XIRP2: variants seen among roughly 807,000 people sequenced by gnomAD.
XIRP2 encodes the protein xin actin-binding repeat-containing protein 2.
In XIRP2, 236 loss-of-function variants were observed where a neutral mutation model predicts 277.0. That is an observed-to-expected ratio of 0.85 (90% CI 0.77 to 0.95). The LOEUF (loss-of-function observed/expected upper bound fraction) is 0.95, where lower values mean the gene tolerates loss of function less well. XIRP2 is among the 40% of genes least tolerant of loss of function. The pLI, the probability that XIRP2 is intolerant of heterozygous loss-of-function variation, is 0.00. For missense variants in XIRP2, 4,640 were observed against 4,157.5 expected (o/e 1.12, Z -3.19); for synonymous variants, 1,490 against 1,416.5 (o/e 1.05, Z -1.17).
intron 2 of XIRP2, among the ~76,000 whole-genome samples, chr2:166,913,917 G>A (rs1684787903): frequency 1.3e-5 from 2 of 152,176 alleles, no homozygotes; most frequent in African/African-American, 4.8e-5. Flanking sequence ...ATTCAAGTAA[G>A]TGACTACTCT....
rs1695392683 is a variant in XIRP2 at position 167,249,342 on chromosome 2, A to C, written c.7950A>C (p.Glu2650Asp). The C allele has an allele frequency of 6.2e-7, 1 of 1,613,798 alleles. No individual in the cohort carries two copies. The highest frequency in any genetic ancestry group is 1.3e-5 in the African/African-American group (1 of 75,026). ...TCCACCATGTTTTAGCAGCTTCAGA[A>C]GACAAAGATAAGATGAAAAAGGAAG... ...KRLHHVLAAS[E>D]DKDKMKKEVL... is the part of the protein sequence containing the mutation. Residue 2650 changes from glutamate to aspartate, a missense_variant, in exon 9 of 11, where the codon GAA (glutamate) becomes GAC (aspartate). Glu to Asp is a conservative substitution (Grantham distance 45). Transcript: ENST00000409195.
At chr2:167,255,936 A>G (rs1695642924) in intron 10 of XIRP2, among the ~76,000 whole-genome samples, 1 of 151,836 alleles carries the variant, frequency 6.6e-6, no homozygotes, top group Non-Finnish European at 1.5e-5. Context: ...TTGATACATT[A>G]TTTTATTTTC....
intron 5 of XIRP2, 44 bp downstream of exon 5, chr2:167,218,344 T>C: frequency 7.3e-7 from 1 of 1,362,412 alleles, no homozygotes; most frequent in Middle Eastern, 2.0e-4. Flanking sequence ...ATGGTTGAAA[T>C]GCTCTCATTT....
chr2:166,987,603 A>ATAAAAGATT (rs1374796789), intron 2 of XIRP2, among the ~76,000 whole-genome samples: 4 of 152,246 alleles, frequency 2.6e-5, no homozygotes, highest in Admixed American at 6.5e-5. Context: ...TCTTTATTCT[A>ATAAAAGATT]TAAAAGATTT....
intron 2 of XIRP2, among the ~76,000 whole-genome samples, chr2:166,920,939 C>T (rs1201302250): frequency 1.3e-5 from 2 of 151,970 alleles, no homozygotes; most frequent in African/African-American, 2.4e-5. Context: ...TTGTATTTTG[C>T]CTATTTTGCT....
intron 2 of XIRP2, among the ~76,000 whole-genome samples, chr2:167,047,583 A>G (rs912539785): frequency 1.3e-5 from 2 of 151,976 alleles, no homozygotes; most frequent in Non-Finnish European, 2.9e-5. Context: ...ATGGAGGATA[A>G]AAAGTTCCTA....
chr2:167,105,781 A>C (rs1342857826), intron 2 of XIRP2, among the ~76,000 whole-genome samples: 1 of 151,838 alleles, frequency 6.6e-6, no homozygotes, highest in Non-Finnish European at 1.5e-5. Flanking sequence ...ACAATACATA[A>C]GTGATCCAGT....
intron 5 of XIRP2, among the ~76,000 whole-genome samples, chr2:167,238,343 C>A (rs1232987843): frequency 6.6e-6 from 1 of 152,012 alleles, no homozygotes; most frequent in Admixed American, 6.5e-5. Flanking sequence ...TACATTTAAA[C>A]GTGTAAGTCC....
At chr2:166,942,678 G>GA in intron 2 of XIRP2, among the ~76,000 whole-genome samples, 1 of 152,138 alleles carries the variant, frequency 6.6e-6, no homozygotes, top group Non-Finnish European at 1.5e-5. Flanking sequence ...AGAGTAGGCA[G>GA]AAAATGTTAA....
chr2:167,177,903 C>T (rs1396475332), intron 3 of XIRP2, among the ~76,000 whole-genome samples: 2 of 151,964 alleles, frequency 1.3e-5, no homozygotes, highest in Non-Finnish European at 2.9e-5. Flanking sequence ...TAGAAGAATT[C>T]TGGAAGCAAC....
intron 3 of XIRP2, among the ~76,000 whole-genome samples, chr2:167,203,585 G>C (rs746689903): frequency 6.6e-6 from 1 of 152,008 alleles, no homozygotes; most frequent in African/African-American, 2.4e-5. Context: ...TTATTCCCTC[G>C]CCCTTCTTCT....
chr2:167,062,833 T>C (rs1558965902), intron 2 of XIRP2, among the ~76,000 whole-genome samples: 1 of 152,084 alleles, frequency 6.6e-6, no homozygotes, highest in East Asian at 1.9e-4. Flanking sequence ...CTCTTTTTTT[T>C]CTCTTGATCA....
intron 3 of XIRP2, among the ~76,000 whole-genome samples, chr2:167,148,676 A>G (rs1014627913): frequency 2.0e-5 from 3 of 152,182 alleles, no homozygotes; most frequent in Admixed American, 2.0e-4. Flanking sequence ...AGAAAAAGTT[A>G]GGCATATACA....
intron 2 of XIRP2, among the ~76,000 whole-genome samples, chr2:167,094,915 C>T (rs1392835258): frequency 6.6e-6 from 1 of 152,116 alleles, no homozygotes; most frequent in East Asian, 1.9e-4. Context: ...GGCAGTATGG[C>T]CATTTTCACT....
intron 2 of XIRP2, among the ~76,000 whole-genome samples, chr2:166,925,251 T>C (rs1447299327): frequency 6.6e-6 from 1 of 151,990 alleles, no homozygotes; most frequent in African/African-American, 2.4e-5. Flanking sequence ...GAAGTTTTCA[T>C]TGAGCCATTT....
chr2:167,108,742 A>G (rs1230105762), intron 2 of XIRP2, among the ~76,000 whole-genome samples: 2 of 151,928 alleles, frequency 1.3e-5, no homozygotes, highest in East Asian at 3.9e-4. Context: ...GTAAATGTAC[A>G]CTCTTTAAAA....
chr2:167,014,226 A>G (rs1466249847), intron 2 of XIRP2, among the ~76,000 whole-genome samples: 1 of 151,672 alleles, frequency 6.6e-6, no homozygotes. Context: ...TAAAAGGGAC[A>G]GTCAAAAATT....
chr2:167,221,460 CAAAAAAAA>C (rs57006710), intron 5 of XIRP2, among the ~76,000 whole-genome samples: 15,494 of 63,524 alleles, frequency 0.24, 1,111 homozygotes, highest in African/African-American at 0.36. Context: ...AACTCCATCT[CAAAAAAAA>C]AAAAAAAAAA....
intron 10 of XIRP2, among the ~76,000 whole-genome samples, chr2:167,256,035 AT>A (rs1047527399): frequency 6.6e-6 from 1 of 151,418 alleles, no homozygotes. Context: ...ATACCCACAG[AT>A]TTTTTTCTTT....
Sources: allele counts gnomAD v4.1 joint callset (sites outside exome capture counted in the v4.1 genomes callset), GRCh38; gene constraint gnomAD v4.1.1; transcripts MANE v1.5; gene names NCBI Gene and HGNC (gene_info 2026-07-23, HGNC 2026-07-21).